Variants in DLG2 observed in about 807,000 individuals in gnomAD.
The protein encoded by DLG2 is discs large MAGUK scaffold protein 2, also known as disks large homolog 2.
A neutral mutation model predicts 132.5 loss-of-function variants in DLG2; 45 were observed. The ratio of observed to expected loss-of-function variants is 0.34; its 90% CI spans 0.27 to 0.44. The LOEUF is 0.44. Among genes scored for constraint, DLG2 ranks in the 20% least tolerant of loss-of-function variants. The pLI, the probability that DLG2 is intolerant of heterozygous loss-of-function variation, is 1.00. For synonymous variants in DLG2, 424 were observed against 419.6 expected (o/e 1.01, Z -0.13); for missense variants, 1,045 against 1,196.9 (o/e 0.87, Z 1.87).
chr11:84,245,397 T>C (rs2097290002), intron 8 of DLG2, among the ~76,000 whole-genome samples: 1 of 152,226 alleles, frequency 6.6e-6, no homozygotes, highest in South Asian at 2.1e-4. Flanking sequence ...TAAATAACTT[T>C]CTTGGCAGCC....
At chr11:84,908,025 A>G (rs567590128) in intron 6 of DLG2, among the ~76,000 whole-genome samples, 1 of 152,246 alleles carries the variant, frequency 6.6e-6, no homozygotes, top group African/African-American at 2.4e-5. Context: ...GAAGAGCACA[A>G]ACCACACTGA....
chr11:83,852,755 G>A (rs1295647418), intron 16 of DLG2, among the ~76,000 whole-genome samples: 1 of 152,132 alleles, frequency 6.6e-6, no homozygotes, highest in East Asian at 1.9e-4. Flanking sequence ...AATTCTAGGG[G>A]AGGCTTTACA....
chr11:85,623,517 C>G (rs1019945628), intron 2 of DLG2, among the ~76,000 whole-genome samples: 1 of 152,146 alleles, frequency 6.6e-6, no homozygotes, highest in African/African-American at 2.4e-5. Context: ...GTTGGCCAGG[C>G]TGGTCTTGAA....
Position 83,980,640 on chromosome 11 carries a change from A to G in DLG2, c.922T>C (p.Leu308=). 2 of 1,589,490 alleles carry G rather than the reference A, an allele frequency of 1.3e-6. No individual in the cohort carries two copies. Among genetic ancestry groups the G allele is most frequent in the African/African-American group, 1.4e-5 (1 of 73,384 alleles). The change falls in exon 12 of 28, where the codon TTA becomes CTA. Residue 308 remains leucine (L), a splice_region_variant and synonymous_variant. Transcript: ENST00000376104. ...ACACCTCCTGCAATACTGAAGCCTA[A>G]ACCTATAAGAAAGGAACAGAAAATG... is the stretch of plus-strand genomic sequence containing the variant. The part of the protein sequence containing the change: ...EIKLFKGPKG[L]GFSIAGGVGN...
chr11:84,067,854 A>G (rs1311242144), intron 10 of DLG2, among the ~76,000 whole-genome samples: 1 of 152,260 alleles, frequency 6.6e-6, no homozygotes, highest in Non-Finnish European at 1.5e-5. Context: ...GCATTTTTCC[A>G]AGAAAGGAAG....
intron 6 of DLG2, among the ~76,000 whole-genome samples, chr11:84,662,759 C>T (rs190063991): frequency 1.4e-5 from 2 of 141,010 alleles, no homozygotes; most frequent in African/African-American, 5.2e-5. Context: ...TGCACTCCAG[C>T]CTGGTCAATA....
intron 6 of DLG2, among the ~76,000 whole-genome samples, chr11:84,640,785 C>A (rs947267664): frequency 1.3e-5 from 2 of 151,872 alleles, no homozygotes; most frequent in Non-Finnish European, 2.9e-5. Flanking sequence ...ACTAAAAATG[C>A]AAAAATTAGC....
chr11:84,824,418 A>T (rs2078079002), intron 6 of DLG2, among the ~76,000 whole-genome samples: 1 of 151,958 alleles, frequency 6.6e-6, no homozygotes, highest in Non-Finnish European at 1.5e-5. Flanking sequence ...TTAAACAGTA[A>T]ATACTATGGG....
At chr11:84,412,824 G>C (rs2098914101) in intron 7 of DLG2, among the ~76,000 whole-genome samples, 1 of 152,106 alleles carries the variant, frequency 6.6e-6, no homozygotes, top group Non-Finnish European at 1.5e-5. Flanking sequence ...CCTCTGTTCT[G>C]AGGACTGCAG....
intron 6 of DLG2, among the ~76,000 whole-genome samples, chr11:85,097,153 G>T: frequency 6.6e-6 from 1 of 152,078 alleles, no homozygotes; most frequent in Non-Finnish European, 1.5e-5. Flanking sequence ...ATCTCCCAGG[G>T]TAGTTCCACT....
chr11:83,549,077 T>C (rs1432053), intron 19 of DLG2, among the ~76,000 whole-genome samples: 100,057 of 151,964 alleles, frequency 0.66, 33,450 homozygotes, highest in Middle Eastern at 0.75. Flanking sequence ...AGGAACAGAG[T>C]GCTTTGACTC....
chr11:83,823,242 C>G (rs1160784654), intron 17 of DLG2, among the ~76,000 whole-genome samples: 2 of 152,104 alleles, frequency 1.3e-5, no homozygotes, highest in East Asian at 3.9e-4. Flanking sequence ...CTTGAGAACT[C>G]TTTGCACGAT....
chr11:84,768,867 C>T (rs1006689695), intron 6 of DLG2, among the ~76,000 whole-genome samples: 2 of 152,030 alleles, frequency 1.3e-5, no homozygotes, highest in Non-Finnish European at 1.5e-5. Flanking sequence ...TCTAGGCCAG[C>T]TCCTCCCCTC....
At chr11:85,517,251 C>T (rs1302705139) in intron 3 of DLG2, among the ~76,000 whole-genome samples, 3 of 151,784 alleles carry the variant, frequency 2.0e-5, no homozygotes, top group Admixed American at 6.6e-5. Context: ...AAAAAAAACC[C>T]TCCCCAAGAT....
intron 6 of DLG2, among the ~76,000 whole-genome samples, chr11:84,547,845 G>A (rs187674635): frequency 2.0e-5 from 3 of 152,050 alleles, no homozygotes; most frequent in Non-Finnish European, 4.4e-5. Context: ...CTACTAAATG[G>A]AACTACCCCT....
intron 3 of DLG2, among the ~76,000 whole-genome samples, chr11:85,585,715 G>GT (rs200477698): frequency 0.11 from 15,615 of 144,042 alleles, 1,149 homozygotes; most frequent in African/African-American, 0.22. Context: ...ATATATCACA[G>GT]TTTTTTTTTT....
At chr11:85,190,305 G>C (rs916221945) in intron 4 of DLG2, among the ~76,000 whole-genome samples, 1 of 152,104 alleles carries the variant, frequency 6.6e-6, no homozygotes, top group South Asian at 2.1e-4. Flanking sequence ...AAACTAAGTA[G>C]CTCCTGAGTC....
chr11:83,772,272 T>A (rs1053425875), intron 18 of DLG2, among the ~76,000 whole-genome samples: 2 of 151,968 alleles, frequency 1.3e-5, no homozygotes, highest in African/African-American at 4.8e-5. Context: ...TGGCTGGGCA[T>A]GGTGATGTGC....
intron 6 of DLG2, among the ~76,000 whole-genome samples, chr11:84,904,788 C>G (rs2091312193): frequency 1.3e-5 from 2 of 152,136 alleles, no homozygotes; most frequent in Non-Finnish European, 1.5e-5. Flanking sequence ...CAAGGCCCTG[C>G]CAAAGTCTGA....
Sources: gnomAD v4.1 joint callset for allele counts (sites outside exome capture counted in the v4.1 genomes callset) on GRCh38, gnomAD v4.1.1 for gene constraint, MANE v1.5 for transcripts, NCBI Gene and HGNC (gene_info 2026-07-23, HGNC 2026-07-21) for gene names.